Variants in ATAD3B observed in about 807,000 individuals in gnomAD.
The protein encoded by ATAD3B is ATPase family AAA domain containing 3B, also known as ATPase family AAA domain-containing protein 3B.
In ATAD3B, 59 loss-of-function variants were observed where a neutral mutation model predicts 70.2. The ratio of observed to expected loss-of-function variants is 0.84; its 90% CI spans 0.68 to 1.04. The LOEUF is 1.04. Among genes scored for constraint, ATAD3B ranks in the 50% least tolerant of loss-of-function variants. The pLI, the probability that ATAD3B is intolerant of heterozygous loss-of-function variation, is 0.00. For synonymous variants in ATAD3B, 423 were observed against 388.6 expected, an observed-to-expected ratio of 1.09 and a Z score of -1.04; for missense variants, 961 against 913.4, an observed-to-expected ratio of 1.05 and a Z score of -0.67.
chr1:1,477,160 C>G, intron 1 of ATAD3B, 114 bp from the exon 2 acceptor site: 1 of 1,396,386 alleles, frequency 7.2e-7, no homozygotes, highest in Non-Finnish European at 9.9e-7. Context: ...AGGCGTGAAC[C>G]ACCGCTTCCC....
At chr1:1,503,467 G>C in the ATAD3B span, 6 of 896,372 alleles carry the variant, frequency 6.7e-6, no homozygotes, top group Admixed American at 2.1e-5. Flanking sequence ...GGCAGGGCTG[G>C]GGGCTTTGAG....
rs777002267 is a variant in ATAD3B, at chr1:1,477,313, A to G, written c.245A>G (p.Glu82Gly). ...GCCCTGAATCTGGCGCAGATGCAGG[A>G]GCAGACGCTGCAGTTGGAGCAACAG... ...KEALNLAQMQ[E>G]QTLQLEQQSK... Residue 82 changes from glutamate (E) to glycine (G), a missense_variant, in exon 2 of 16, where the codon GAG becomes GGG. Around this residue, in one of 4 missense-constraint regions of ATAD3B, gnomAD observed 187 missense variants for 244.3 expected, o/e 0.77. Transcript: ENST00000673477. The G allele has an allele frequency of 5.6e-6, 9 of 1,612,212 alleles. No homozygotes were observed. In the African/African-American group the frequency reaches 9.4e-5, roughly 17 times the overall value.
chr1:1,507,937 T>C, the ATAD3B span, among the ~76,000 whole-genome samples: 5 of 152,220 alleles, frequency 3.3e-5, no homozygotes, highest in Non-Finnish European at 7.3e-5. Flanking sequence ...CACCCGCGAC[T>C]GGGTCTTGCC....
At position 1,495,841 on chromosome 1, in the gene ATAD3B, CT is replaced by C. The variant is rs1640764769; in HGVS notation, c.*25del. ...AGGCACTGGCTAGGGAGGGGCAGGC[CT>C]CCTTCCTGCCCCTCGAGACACTCTT... On this transcript the variant is annotated 3_prime_UTR_variant, in exon 16 of 16. Transcript: ENST00000673477. 1 of 1,523,962 alleles carries C rather than the reference CT, an allele frequency of 6.6e-7. No individual in the cohort carries two copies. Among genetic ancestry groups the C allele is most frequent in the Admixed American group, 2.1e-5 (1 of 47,574 alleles). 94.4% of individuals were successfully genotyped at this position (1,523,962 alleles called of 1,614,324 possible).
chr1:1,480,063 A>G lies in ATAD3B; in HGVS notation c.445-804A>G, dbSNP rs796804235. On this transcript the variant is annotated intron_variant, in intron 4 of 15. Transcript: ENST00000673477. ...CACCCCCTTGCACAGACGGGCACGC[A>G]CACAGTCCCACACATGGGCACACGC... is the stretch of plus-strand genomic sequence containing the variant. Among the ~76,000 whole-genome samples, 91 of 145,408 alleles carry G rather than the reference A, an allele frequency of 6.3e-4. 9 individuals are homozygous for G. The highest frequency in any genetic ancestry group is 2.3e-3 in the African/African-American group (87 of 38,598).
chr1:1,482,799 G>A, intron 7 of ATAD3B, 185 bp downstream of exon 7: 3 of 915,330 alleles, frequency 3.3e-6, no homozygotes, highest in Non-Finnish European at 5.0e-6. Context: ...AGAAAAAAAT[G>A]CAGTTGCCAG....
chr1:1,508,156 A>T, the ATAD3B span, among the ~76,000 whole-genome samples: 1 of 151,958 alleles, frequency 6.6e-6, no homozygotes, highest in East Asian at 1.9e-4. Context: ...AAGACCAAAA[A>T]TGATGTTGAG....
chr1:1,482,105 A>G (rs751536217), intron 5 of ATAD3B, 33 bp from the exon 6 acceptor site: 3 of 1,596,566 alleles, frequency 1.9e-6, no homozygotes, highest in Non-Finnish European at 1.7e-6. Flanking sequence ...GCTGCACTGC[A>G]TGGTGCTGAG....
chr1:1,473,134 CTTTTTTTTT>C (rs569834397), intron 1 of ATAD3B, among the ~76,000 whole-genome samples: 3 of 84,374 alleles, frequency 3.6e-5, no homozygotes, highest in Non-Finnish European at 6.1e-5. Context: ...GAAGGGATTC[CTTTTTTTTT>C]TTTTTTTTTT....
In ATAD3B at chr1:1,496,156, G is replaced by T; in HGVS notation, c.*339G>T. 2 of 1,083,544 alleles carry T rather than the reference G, an allele frequency of 1.8e-6. No individual in the cohort carries two copies. Among genetic ancestry groups the T allele is most frequent in the Non-Finnish European group, 2.2e-6 (2 of 891,694 alleles). The allele number at this position is 1,083,544 out of a possible 1,614,324, so 67.1% of individuals were successfully genotyped here. A position where few individuals can be genotyped will look rare whatever the true frequency, so the allele number is the denominator to read the frequency against. On this transcript the variant is annotated 3_prime_UTR_variant, in exon 16 of 16. Transcript: ENST00000673477. ...GTCAGCTGGCCGGTCCAAGCCTGTG[G>T]CTGGAGCTGGTGTGTGTTTATCTAA...
At chr1:1,494,850 T>C (rs1014664260) in intron 15 of ATAD3B, among the ~76,000 whole-genome samples, 1 of 151,948 alleles carries the variant, frequency 6.6e-6, no homozygotes. Flanking sequence ...CCCTGACCCA[T>C]GGGTGCCTCC....
chr1:1,489,055 C>T (rs770200571), intron 12 of ATAD3B, 149 bp from the exon 13 acceptor site: 1 of 1,407,434 alleles, frequency 7.1e-7, no homozygotes, highest in Admixed American at 2.3e-5. Context: ...AGCCACCGCC[C>T]CTGGCCCTGG....
the ATAD3B span, chr1:1,509,291 G>C: frequency 3.7e-6 from 6 of 1,612,902 alleles, no homozygotes; most frequent in South Asian, 6.6e-5. Context: ...AGCACCAGCA[G>C]ATGATGCGCT....
chr1:1,505,365 G>A, the ATAD3B span, among the ~76,000 whole-genome samples: 2 of 148,254 alleles, frequency 1.3e-5, no homozygotes, highest in Non-Finnish European at 2.9e-5. Context: ...GGCAAAGCCA[G>A]GTGTACAGGA....
At position 1,478,187 on chromosome 1, in the gene ATAD3B, G is replaced by A. The variant is rs190878164; in HGVS notation, c.283-457G>A. ...AATTTTTGTATTTTTAGTAGAGAAG[G>A]GGGTTCAGCATGTTGTCCAGGTTGG... On this transcript the variant is annotated intron_variant, in intron 2 of 15. Transcript: ENST00000673477. 1.0e-3 allele frequency: 311 copies of A among 305,194 alleles called. 2 individuals carry two copies. Among genetic ancestry groups the A allele is most frequent in the African/African-American group, 6.4e-3 (299 of 46,770 alleles). The allele number at this position is 305,194 out of a possible 1,614,324, so 18.9% of individuals were successfully genotyped here.
chr1:1,499,153 A>C (rs1219488249), downstream of ATAD3B, among the ~76,000 whole-genome samples: 1 of 150,684 alleles, frequency 6.6e-6, no homozygotes, highest in Admixed American at 6.6e-5. Context: ...TTGTATTTTT[A>C]GTAGAGACAG....
rs765163686 is a variant in ATAD3B, at chr1:1,479,301, CAT to C, written c.444+194_444+195del. On this transcript the variant is annotated intron_variant, in intron 4 of 15. Transcript: ENST00000673477. ...AGGCACACATGCAGATGTGTGCACA[CAT>C]GTACACGGAGACACAGGCACCTGCC... 2.0e-4 allele frequency among the ~76,000 whole-genome samples: 29 copies of C among 147,976 alleles called. 1 individual carries two copies. The highest frequency in any genetic ancestry group is 2.5e-4 in the Non-Finnish European group (17 of 67,228).
chr1:1,505,239 C>T, the ATAD3B span, among the ~76,000 whole-genome samples: 1 of 152,120 alleles, frequency 6.6e-6, no homozygotes. Flanking sequence ...CCCTTCCCTG[C>T]CTGGCAGCCG....
chr1:1,480,144 G>A (rs1367661041), intron 4 of ATAD3B, among the ~76,000 whole-genome samples: 4 of 140,176 alleles, frequency 2.9e-5, no homozygotes, highest in Non-Finnish European at 4.6e-5. Flanking sequence ...CTCACAGTGT[G>A]CCTCATACAT....
Sources: gnomAD v4.1 joint callset for allele counts (sites outside exome capture counted in the v4.1 genomes callset) on GRCh38, gnomAD v4.1.1 for gene constraint, gnomAD v4.1.1 regional missense constraint, MANE v1.5 for transcripts, NCBI Gene and HGNC (gene_info 2026-07-23, HGNC 2026-07-21) for gene names.